The following PDE4C variants were observed in gnomAD, a reference collection of about 807,000 sequenced individuals.
PDE4C encodes 3',5'-cyclic-AMP phosphodiesterase 4C.
PDE4C carries 50 observed loss-of-function variants against 63.9 expected under a neutral mutation model. The ratio of observed to expected loss-of-function variants is 0.78; its 90% CI spans 0.62 to 0.99. The LOEUF is 0.99. Among genes scored for constraint, PDE4C ranks in the 50% least tolerant of loss-of-function variants. The pLI is 0.00. For synonymous variants in PDE4C, 377 were observed against 385.1 expected (o/e 0.98, Z 0.25); for missense variants, 777 against 899.1 (o/e 0.86, Z 1.74).
upstream of PDE4C, chr19:18,234,160 C>T (rs1417848732): frequency 6.6e-6 from 1 of 152,386 alleles, no homozygotes; most frequent in African/African-American, 2.4e-5. Context: ...TTCTAAGACC[C>T]TCCCCACCCC....
chr19:18,218,944 A>G, exon 9 of PDE4C: 6 of 1,612,724 alleles, frequency 3.7e-6, no homozygotes, highest in East Asian at 2.2e-5. Context: ...AGGTACCTGA[A>G]AAATGCTGAA....
chr19:18,212,494 A>G (rs1046988655), intron 13 of PDE4C, among the ~76,000 whole-genome samples: 1 of 136,982 alleles, frequency 7.3e-6, no homozygotes, highest in Admixed American at 7.4e-5. Context: ...TTTTTTTAAG[A>G]GACAGGGTCT....
the PDE4C span, among the ~76,000 whole-genome samples, chr19:18,254,566 T>C: frequency 6.6e-6 from 1 of 152,158 alleles, no homozygotes; most frequent in Non-Finnish European, 1.5e-5. Context: ...TCCTGAGCTA[T>C]GAAATGGGGA....
chr19:18,244,663 C>T (rs1232206956), intron 1 of PDE4C, among the ~76,000 whole-genome samples: 1 of 151,868 alleles, frequency 6.6e-6, no homozygotes, highest in Non-Finnish European at 1.5e-5. Flanking sequence ...CAGTCATGCA[C>T]CACCACACCC....
chr19:18,239,307 C>G (rs1271447606), intron 1 of PDE4C, among the ~76,000 whole-genome samples: 2 of 152,148 alleles, frequency 1.3e-5, no homozygotes, highest in African/African-American at 4.8e-5. Flanking sequence ...GATGCTGTTT[C>G]CAAGCAGGCT....
intron 1 of PDE4C, among the ~76,000 whole-genome samples, chr19:18,223,453 G>T (rs1442839700): frequency 1.3e-5 from 2 of 151,472 alleles, no homozygotes; most frequent in African/African-American, 2.4e-5. Context: ...CAGGTGATCC[G>T]CCCGCCTTGG....
At chr19:18,226,016 C>T (rs1246671402) in intron 1 of PDE4C, among the ~76,000 whole-genome samples, 1 of 152,220 alleles carries the variant, frequency 6.6e-6, no homozygotes, top group East Asian at 1.9e-4. Flanking sequence ...ACGGCTGGTC[C>T]CCTGGGCCTA....
chr19:18,239,723 G>A (rs535220241), intron 1 of PDE4C, among the ~76,000 whole-genome samples: 2 of 152,174 alleles, frequency 1.3e-5, no homozygotes, highest in East Asian at 3.9e-4. Context: ...CCACCAGACT[G>A]AGCATTAAAA....
chr19:18,219,491 C>T (rs1339903064), intron 7 of PDE4C, 94 bp from the exon 8 acceptor site: 19 of 1,394,242 alleles, frequency 1.4e-5, no homozygotes, highest in Non-Finnish European at 1.7e-5. Context: ...CAGAATCAAC[C>T]TATTTCCCTT....
chr19:18,220,134 T>C lies in PDE4C; in HGVS notation c.706+92A>G. On this transcript the variant is annotated intron_variant, in intron 7 of 14. Coordinates refer to ENST00000262805, the Ensembl canonical transcript of PDE4C. The surrounding 1 kb of genome is among the most constrained non-coding windows in gnomAD (Gnocchi z 5.1). ...CTGAAGGTGTCTGTGTCTGGCTGTATCTCCCCCAGACTGAGGTCTATCATA... is the reference window on the plus strand; with the variant it reads ...CTGAAGGTGTCTGTGTCTGGCTGTACCTCCCCCAGACTGAGGTCTATCATA... 9.9e-7 allele frequency: 1 copy of C among 1,006,882 alleles called. No homozygotes were observed. The allele number at this position is 1,006,882 out of a possible 1,614,324, so 62.4% of individuals were successfully genotyped here.
At position 18,220,422 on chromosome 19, in the gene PDE4C, C is replaced by G. The variant is rs1185323255; in HGVS notation, c.593G>C (p.Gly198Ala). Residue 198 changes from glycine to alanine, a missense_variant, in exon 6 of 15, where the codon GGG becomes GCG. By Grantham distance (60) the Gly-to-Ala change is moderately conservative (BLOSUM62 0). Around this residue, in one of 3 missense-constraint regions of PDE4C, gnomAD observed 28 missense variants for 53.5 expected, o/e 0.52. Transcript: ENST00000262805. This position sits in a 1 kb window ranked among gnomAD's most constrained non-coding sequence, Gnocchi z 5.1. ...CCTCACCTTGTTGGAGGCCATCTCCCCCACCGAGTGCCGGGTCTGCAGCGT... is the reference window on the plus strand; with the variant it reads ...CCTCACCTTGTTGGAGGCCATCTCCGCCACCGAGTGCCGGGTCTGCAGCGT... 3.7e-6 allele frequency: 6 copies of G among 1,614,022 alleles called. No individual in the cohort carries two copies. The African/African-American group carries it at 8.0e-5, about 22-fold the overall frequency.
chr19:18,219,117 G>T, intron 8 of PDE4C, 79 bp from the exon 9 acceptor site: 1 of 1,576,192 alleles, frequency 6.3e-7, no homozygotes, highest in Non-Finnish European at 8.7e-7. Context: ...TCCCACCCCA[G>T]GTTCCACAGT....
chr19:18,218,102 G>T, intron 11 of PDE4C, 47 bp downstream of exon 11: 2 of 1,394,648 alleles, frequency 1.4e-6, no homozygotes, highest in Non-Finnish European at 2.0e-6. Context: ...ACAGGGTGGA[G>T]GCAGGGTCCA....
intron 14 of PDE4C, among the ~76,000 whole-genome samples, 193 bp from the exon 15 acceptor site, chr19:18,211,469 C>T (rs1403010047): frequency 6.6e-6 from 1 of 152,174 alleles, no homozygotes; most frequent in African/African-American, 2.4e-5. Flanking sequence ...TGGCCTCCTC[C>T]AACCCCAACC....
chr19:18,252,971 A>G (rs1469674816), upstream of PDE4C, among the ~76,000 whole-genome samples: 1 of 152,138 alleles, frequency 6.6e-6, no homozygotes. Context: ...TGAAAGATTT[A>G]GGACACCATG....
At chr19:18,216,700 C>T (rs764365198) in intron 12 of PDE4C, 41 bp downstream of exon 12, 2 of 1,525,902 alleles carry the variant, frequency 1.3e-6, no homozygotes, top group Non-Finnish European at 1.8e-6. Flanking sequence ...ATGCCCCGCT[C>T]CCCTCTGCCC....
upstream of PDE4C, among the ~76,000 whole-genome samples, chr19:18,230,274 G>A (rs983271567): frequency 2.6e-5 from 4 of 152,172 alleles, no homozygotes; most frequent in East Asian, 1.9e-4. Context: ...GGGAGGCCAC[G>A]GTATGTGGAT....
At chr19:18,252,126 GA>G (rs1233094451), upstream of PDE4C, 1 of 399,268 alleles carries the variant, frequency 2.5e-6, no homozygotes, top group Non-Finnish European at 4.4e-6. Context: ...GGGGCTGTGG[GA>G]AGTGGGGCTC....
At chr19:18,253,732 C>T in the PDE4C span, among the ~76,000 whole-genome samples, 6 of 152,262 alleles carry the variant, frequency 3.9e-5, no homozygotes, top group South Asian at 2.1e-4. Flanking sequence ...AACATGTCTC[C>T]GGAACCCACC....
Sources: gnomAD v4.1 joint callset for allele counts (sites outside exome capture counted in the v4.1 genomes callset) on GRCh38, gnomAD v4.1.1 for gene constraint, gnomAD v4.1.1 regional missense constraint, Gnocchi (gnomAD v3.1) non-coding constraint, MANE v1.5 for transcripts, NCBI Gene and HGNC (gene_info 2026-07-23, HGNC 2026-07-21) for gene names.